ANKRD6: variants seen among roughly 807,000 people sequenced by gnomAD.
ANKRD6 encodes the protein ankyrin repeat domain 6, also known as ankyrin repeat domain-containing protein 6.
In ANKRD6, 56 loss-of-function variants were observed where a neutral mutation model predicts 82.3. The ratio of observed to expected loss-of-function variants is 0.68; its 90% CI spans 0.55 to 0.85. ANKRD6 has a LOEUF of 0.85. Ranked by LOEUF, ANKRD6 falls within the 40% of genes least tolerant of loss-of-function variation. The pLI is 0.00. For synonymous variants in ANKRD6, 347 were observed against 352.1 expected (o/e 0.99, Z 0.16); for missense variants, 852 against 907.6 (o/e 0.94, Z 0.79).
chr6:89,587,046 C>T (rs533455746), intron 2 of ANKRD6, among the ~76,000 whole-genome samples: 4 of 151,868 alleles, frequency 2.6e-5, no homozygotes, highest in South Asian at 4.2e-4. Flanking sequence ...AAAAAACTAG[C>T]GGGGCATGGT....
chr6:89,536,486 C>G (rs773899590), intron 1 of ANKRD6, among the ~76,000 whole-genome samples: 10 of 152,196 alleles, frequency 6.6e-5, no homozygotes, highest in Non-Finnish European at 1.2e-4. Context: ...TGCTTTCAGG[C>G]TCAGAGTGGT....
chr6:89,582,400 A>G (rs1023244081), intron 2 of ANKRD6, among the ~76,000 whole-genome samples: 3 of 152,132 alleles, frequency 2.0e-5, no homozygotes, highest in Non-Finnish European at 4.4e-5. Flanking sequence ...CATGCTGCCC[A>G]TGCTGGTCTT....
chr6:89,482,824 G>T (rs935730714), intron 1 of ANKRD6, among the ~76,000 whole-genome samples: 2 of 152,164 alleles, frequency 1.3e-5, no homozygotes, highest in African/African-American at 2.4e-5. Context: ...ATTCCTGGAA[G>T]TTACCCTCCT....
chr6:89,612,216 A>G (rs1800400627), intron 5 of ANKRD6, 56 bp from the exon 6 acceptor site: 16 of 1,480,458 alleles, frequency 1.1e-5, no homozygotes, highest in Admixed American at 2.0e-5. Flanking sequence ...AAGGCATGCA[A>G]GTCTGTGCGG....
intron 1 of ANKRD6, among the ~76,000 whole-genome samples, chr6:89,442,161 A>C (rs1771479256): frequency 6.6e-6 from 1 of 150,756 alleles, no homozygotes; most frequent in South Asian, 2.1e-4. Flanking sequence ...ACACCCAGTT[A>C]ATTTTTGTAT....
At chr6:89,490,174 C>G (rs1182151032) in intron 1 of ANKRD6, among the ~76,000 whole-genome samples, 3 of 152,160 alleles carry the variant, frequency 2.0e-5, no homozygotes, top group African/African-American at 4.8e-5. Context: ...ATTTGCTTTT[C>G]TAGTTGTTGG....
intron 1 of ANKRD6, among the ~76,000 whole-genome samples, chr6:89,508,272 T>A (rs1425358093): frequency 6.6e-6 from 1 of 152,224 alleles, no homozygotes; most frequent in Non-Finnish European, 1.5e-5. Context: ...CAGTCTTCTG[T>A]GCTTTGATTG....
chr6:89,553,901 T>C (rs1786204532), intron 1 of ANKRD6, among the ~76,000 whole-genome samples: 1 of 152,204 alleles, frequency 6.6e-6, no homozygotes, highest in Non-Finnish European at 1.5e-5. Flanking sequence ...GGACTACTCT[T>C]GCCCCTGGAA....
At chr6:89,598,912 G>A (rs557086432) in intron 3 of ANKRD6, among the ~76,000 whole-genome samples, 49 of 152,258 alleles carry the variant, frequency 3.2e-4, no homozygotes, top group African/African-American at 1.1e-3. Flanking sequence ...TCTGAGGCTC[G>A]TCCTAAGGTT....
At chr6:89,503,223 A>G (rs1277878544) in intron 1 of ANKRD6, among the ~76,000 whole-genome samples, 1 of 152,158 alleles carries the variant, frequency 6.6e-6, no homozygotes, top group Non-Finnish European at 1.5e-5. Context: ...GTGATCAAGG[A>G]AGGATTGAAA....
chr6:89,507,118 A>G (rs1401078081), intron 1 of ANKRD6, among the ~76,000 whole-genome samples: 1 of 152,246 alleles, frequency 6.6e-6, no homozygotes, highest in Non-Finnish European at 1.5e-5. Context: ...CACCTCTGAT[A>G]TCTGTAAAAT....
chr6:89,549,392 C>G (rs1462821040), intron 1 of ANKRD6, among the ~76,000 whole-genome samples: 2 of 146,802 alleles, frequency 1.4e-5, no homozygotes, highest in African/African-American at 5.0e-5. Context: ...CAATCCCCCA[C>G]CACCCCACAC....
intron 1 of ANKRD6, among the ~76,000 whole-genome samples, chr6:89,496,183 C>A (rs557688493): frequency 1.4e-4 from 22 of 151,888 alleles, no homozygotes; most frequent in Non-Finnish European, 2.8e-4. Flanking sequence ...ACTGCCCCCC[C>A]CCCCACCATA....
intron 2 of ANKRD6, among the ~76,000 whole-genome samples, chr6:89,593,811 T>C (rs1361723411): frequency 6.6e-6 from 1 of 152,240 alleles, no homozygotes; most frequent in Non-Finnish European, 1.5e-5. Context: ...ACATGTTTGC[T>C]TGAGAATTTG....
intron 1 of ANKRD6, among the ~76,000 whole-genome samples, chr6:89,542,743 A>G (rs1188182185): frequency 6.6e-6 from 1 of 152,214 alleles, no homozygotes; most frequent in Non-Finnish European, 1.5e-5. Context: ...CACTGTTTGG[A>G]TCAGCTCTGA....
chr6:89,613,899 A>G lies in ANKRD6; in HGVS notation c.615+9A>G, dbSNP rs752218681. On this transcript the variant is annotated intron_variant, in intron 7 of 15. Transcript: ENST00000339746. ...TCCATGAAAAGAACCAGGTCAGTGC[A>G]TGTATTCTCTTCATGGCTGCCAGCA... The G allele has an allele frequency of 7.4e-6, 12 of 1,613,266 alleles. No individual in the cohort carries two copies. The highest frequency in any genetic ancestry group is 1.7e-5 in the Admixed American group (1 of 59,948).
Position 89,631,888 on chromosome 6 carries a change from A to G in ANKRD6, c.*884A>G, listed in dbSNP as rs9351210. 56,354 of 152,074 alleles carry G rather than the reference A, an allele frequency of 0.37. 10,987 individuals are homozygous for G. Among genetic ancestry groups the G allele is most frequent in the East Asian group, 0.68 (3,534 of 5,180 alleles). The allele number at this position is 152,074 out of a possible 1,614,324, so 9.4% of individuals were successfully genotyped here. On this transcript the variant is annotated 3_prime_UTR_variant, in exon 16 of 16. Coordinates refer to ENST00000339746, the MANE Select transcript of ANKRD6 (RefSeq NM_001242809.2). The stretch of plus-strand genomic sequence containing the variant: ...ATAATGAATAAGGCTATTTTTTGAA[A>G]GTATTTCATTTTGAATTCTGTCATT...
intron 13 of ANKRD6, among the ~76,000 whole-genome samples, 194 bp from the exon 14 acceptor site, chr6:89,627,386 CGTT>C (rs755506187): frequency 2.6e-5 from 4 of 152,184 alleles, no homozygotes; most frequent in African/African-American, 4.8e-5. Context: ...AAAAACGAAA[CGTT>C]GGCCTCATAG....
chr6:89,618,056 G>A (rs1802052316), intron 9 of ANKRD6, 25 bp downstream of exon 9: 1 of 1,612,714 alleles, frequency 6.2e-7, no homozygotes, highest in African/African-American at 1.3e-5. Flanking sequence ...CCTTTCCATG[G>A]TACTGATTAT....
Sources: allele counts gnomAD v4.1 joint callset (sites outside exome capture counted in the v4.1 genomes callset), GRCh38; gene constraint gnomAD v4.1.1; transcripts MANE v1.5; gene names NCBI Gene and HGNC (gene_info 2026-07-23, HGNC 2026-07-21).